PRDM5: variants seen among roughly 807,000 people sequenced by gnomAD.
PRDM5 encodes PR domain zinc finger protein 5.
PRDM5 carries 56 observed loss-of-function variants against 81.2 expected under a neutral mutation model. That is an observed-to-expected ratio of 0.69 (90% CI 0.56 to 0.86). The LOEUF is 0.86. Among genes scored for constraint, PRDM5 ranks in the 40% least tolerant of loss-of-function variants. PRDM5 has a pLI of 0.00. For missense variants in PRDM5, 697 were observed against 770.1 expected, an observed-to-expected ratio of 0.91 and a Z score of 1.12; for synonymous variants, 267 against 256.4, an observed-to-expected ratio of 1.04 and a Z score of -0.39.
chr4:120,909,815 G>A (rs1766283219), intron 1 of PRDM5, among the ~76,000 whole-genome samples: 1 of 133,076 alleles, frequency 7.5e-6, no homozygotes, highest in African/African-American at 2.8e-5. Flanking sequence ...TGATTTTAAA[G>A]CTTCACCATT....
chr4:120,833,807 T>C (rs1321580990), intron 3 of PRDM5, among the ~76,000 whole-genome samples: 2 of 152,156 alleles, frequency 1.3e-5, no homozygotes, highest in Non-Finnish European at 2.9e-5. Context: ...GAGGGGACTA[T>C]AAAGTGTAAA....
At chr4:120,831,971 C>T (rs919424744) in intron 3 of PRDM5, among the ~76,000 whole-genome samples, 1 of 152,028 alleles carries the variant, frequency 6.6e-6, no homozygotes. Context: ...GAGGAACAGG[C>T]CCCCCATACA....
At chr4:120,734,853 G>T (rs982932739) in intron 14 of PRDM5, among the ~76,000 whole-genome samples, 1 of 152,050 alleles carries the variant, frequency 6.6e-6, no homozygotes, top group Non-Finnish European at 1.5e-5. Flanking sequence ...ATCTTCCTAT[G>T]TGCACATACA....
intron 14 of PRDM5, among the ~76,000 whole-genome samples, chr4:120,747,955 C>T (rs1029173184): frequency 9.2e-5 from 14 of 152,288 alleles, no homozygotes; most frequent in East Asian, 3.9e-4. Flanking sequence ...TTATACGAGA[C>T]GTGAAGTTTT....
At chr4:120,803,975 C>G (rs954999291) in intron 8 of PRDM5, among the ~76,000 whole-genome samples, 1 of 152,082 alleles carries the variant, frequency 6.6e-6, no homozygotes, top group Admixed American at 6.5e-5. Flanking sequence ...CGTGCAGAGT[C>G]ACAAATAGGC....
chr4:120,737,108 G>A (rs1741227818), intron 14 of PRDM5, among the ~76,000 whole-genome samples: 1 of 152,130 alleles, frequency 6.6e-6, no homozygotes, highest in Non-Finnish European at 1.5e-5. Context: ...GGCGTGTCAG[G>A]CAGATAACTA....
chr4:120,901,832 T>C (rs1050410606), intron 2 of PRDM5, among the ~76,000 whole-genome samples: 1 of 152,194 alleles, frequency 6.6e-6, no homozygotes, highest in African/African-American at 2.4e-5. Flanking sequence ...CCCAGTGTAC[T>C]GAACTGTGGC....
Position 120,703,428 on chromosome 4 carries a change from G to A in PRDM5, c.1728+6881C>T, listed in dbSNP as rs181077039. Among the ~76,000 whole-genome samples the A allele has an allele frequency of 8.5e-5, 13 of 152,136 alleles. No individual in the cohort carries two copies. The East Asian group carries it at 9.7e-4, about 11-fold the overall frequency. On this transcript the variant is annotated intron_variant, in intron 15 of 15. Coordinates refer to ENST00000264808, the MANE Select transcript of PRDM5 (RefSeq NM_018699.4). Reference sequence around the variant, plus strand: ...TGGTCTTGAACTCCTGGGCTTAAACGATCCTCCTGCCTCGGCCTCCCAAAG... The same window carrying A: ...TGGTCTTGAACTCCTGGGCTTAAACAATCCTCCTGCCTCGGCCTCCCAAAG...
chr4:120,872,172 A>AAAAAAAAAAAAAAAAAAAAG (rs1761898907), intron 2 of PRDM5, among the ~76,000 whole-genome samples: 1 of 148,214 alleles, frequency 6.7e-6, no homozygotes, highest in African/African-American at 2.5e-5. Context: ...AAAAAAAAAA[A>AAAAAAAAAAAAAAAAAAAAG]AACCTGTACA....
At chr4:120,780,830 C>A (rs958248487) in intron 12 of PRDM5, among the ~76,000 whole-genome samples, 3 of 152,092 alleles carry the variant, frequency 2.0e-5, no homozygotes, top group Non-Finnish European at 4.4e-5. Flanking sequence ...AAACAGCCTA[C>A]ATTAATTCAA....
intron 2 of PRDM5, among the ~76,000 whole-genome samples, chr4:120,870,082 G>T (rs548863948): frequency 1.3e-5 from 2 of 151,948 alleles, no homozygotes; most frequent in Non-Finnish European, 2.9e-5. Flanking sequence ...GGAGGAGAAG[G>T]GGAGAAACAG....
intron 8 of PRDM5, among the ~76,000 whole-genome samples, chr4:120,806,335 T>A (rs1561314032): frequency 6.6e-6 from 1 of 152,106 alleles, no homozygotes; most frequent in South Asian, 2.1e-4. Flanking sequence ...CTTCACAGAA[T>A]TGGAAAAAAC....
intron 1 of PRDM5, among the ~76,000 whole-genome samples, chr4:120,921,655 C>A (rs918667585): frequency 6.6e-6 from 1 of 152,144 alleles, no homozygotes; most frequent in Non-Finnish European, 1.5e-5. Context: ...GAAAAGGGGG[C>A]GAGGACGGCT....
chr4:120,864,833 C>T (rs923114257), intron 2 of PRDM5, among the ~76,000 whole-genome samples: 40 of 152,312 alleles, frequency 2.6e-4, no homozygotes, highest in South Asian at 2.3e-3. Context: ...AACAGAAGCA[C>T]CAACTCAGAA....
intron 2 of PRDM5, among the ~76,000 whole-genome samples, chr4:120,862,365 C>T (rs1009142581): frequency 3.3e-5 from 5 of 152,164 alleles, no homozygotes; most frequent in Admixed American, 1.3e-4. Flanking sequence ...GCTCACAAAG[C>T]AATGTACTGA....
At chr4:120,903,375 A>C (rs1579186664) in intron 2 of PRDM5, among the ~76,000 whole-genome samples, 1 of 152,210 alleles carries the variant, frequency 6.6e-6, no homozygotes, top group Non-Finnish European at 1.5e-5. Context: ...CTCTTTCTGA[A>C]TCCTAGCACC....
intron 10 of PRDM5, among the ~76,000 whole-genome samples, chr4:120,790,405 A>G (rs1399390268): frequency 6.6e-6 from 1 of 152,196 alleles, no homozygotes; most frequent in East Asian, 1.9e-4. Flanking sequence ...GTTATTGTAC[A>G]GGAGAATTTT....
Position 120,821,197 on chromosome 4 carries a change from C to G in PRDM5, c.449G>C (p.Arg150Thr). 6.2e-7 allele frequency: 1 copy of G among 1,614,164 alleles called. No homozygotes were observed. Among genetic ancestry groups the G allele is most frequent in the Non-Finnish European group, 8.5e-7 (1 of 1,180,010 alleles). The change falls in exon 4 of 16, where the codon AGA becomes ACA. Residue 150 changes from arginine to threonine, a missense_variant. By Grantham distance (71) the Arg-to-Thr change is moderately conservative (BLOSUM62 -1). This residue lies in a region of PRDM5 where 577 missense variants were observed against 606.7 expected (regional missense o/e 0.95). Transcript: ENST00000264808. ...TTTTCTGCCCGCTGTTGATTGTCTT[C>G]TAGAATTTTCAACTTCCCCTTCTTT... The part of the protein sequence containing the change: ...VIKEGEVENS[R>T]RQSTAGRKDR...
intron 2 of PRDM5, among the ~76,000 whole-genome samples, chr4:120,899,271 G>A (rs1246980700): frequency 6.6e-6 from 1 of 152,240 alleles, no homozygotes; most frequent in African/African-American, 2.4e-5. Context: ...GACTCAGGAT[G>A]TGCCTTCTAC....
Sources: gnomAD v4.1 joint callset for allele counts (sites outside exome capture counted in the v4.1 genomes callset) on GRCh38, gnomAD v4.1.1 for gene constraint, gnomAD v4.1.1 regional missense constraint, MANE v1.5 for transcripts, NCBI Gene and HGNC (gene_info 2026-07-23, HGNC 2026-07-21) for gene names.